The following EVI5 variants were observed in gnomAD, a reference collection of about 807,000 sequenced individuals.
The protein encoded by EVI5 is ecotropic viral integration site 5 protein homolog.
EVI5 carries 73 observed loss-of-function variants against 112.0 expected under a neutral mutation model. The observed-to-expected ratio is 0.65, with a 90% confidence interval of 0.54 to 0.79. EVI5 has a LOEUF of 0.79. Among genes scored for constraint, EVI5 ranks in the 30% least tolerant of loss-of-function variants. The pLI is 0.00. For synonymous variants in EVI5, 305 were observed against 319.9 expected, an observed-to-expected ratio of 0.95 and a Z score of 0.50; for missense variants, 900 against 968.8, an observed-to-expected ratio of 0.93 and a Z score of 0.94.
Position 92,754,514 on chromosome 1 carries a change from C to T in EVI5, c.-81-17887G>A, listed in dbSNP as rs191772756. ...TTAGCTGGGCGATTCTGGCTCATGG[C>T]CTCTCATGAGCTTGCAGACAAGATC... On this transcript the variant is annotated intron_variant, in intron 1 of 19. Transcript: ENST00000684568. 1.4e-3 allele frequency among the ~76,000 whole-genome samples: 156 copies of T among 107,664 alleles called. 2 individuals carry two copies. The highest frequency in any genetic ancestry group is 1.3e-4 in the Non-Finnish European group (6 of 46,326). The allele number at this position is 107,664 out of a possible 152,430, so 70.6% of individuals were successfully genotyped here.
intron 2 of EVI5, among the ~76,000 whole-genome samples, chr1:92,716,644 T>G (rs893331612): frequency 6.8e-6 from 1 of 148,050 alleles, no homozygotes; most frequent in African/African-American, 2.5e-5. Flanking sequence ...AGAAATAGGC[T>G]TCAGAAGGTC....
chr1:92,636,338 T>C lies in EVI5; in HGVS notation c.1393-2A>G. Reference sequence around the variant, plus strand: ...GTTGTAGTTGGAACTGCATTTATGCTAAAGGTTACAGACATACACTGAAAT... The same window carrying C: ...GTTGTAGTTGGAACTGCATTTATGCCAAAGGTTACAGACATACACTGAAAT... On this transcript the variant is annotated splice_acceptor_variant, in intron 13 of 19. Coordinates refer to ENST00000684568, the MANE Select transcript of EVI5 (RefSeq NM_001350197.2). LOFTEE classifies it high-confidence loss of function. The C allele has an allele frequency of 1.2e-6, 2 of 1,612,686 alleles. No homozygotes were observed. The highest frequency in any genetic ancestry group is 1.7e-6 in the Non-Finnish European group (2 of 1,178,990).
intron 19 of EVI5, among the ~76,000 whole-genome samples, chr1:92,521,634 G>C (rs960421436): frequency 2.0e-5 from 3 of 151,826 alleles, no homozygotes; most frequent in Non-Finnish European, 4.4e-5. Context: ...GAGGTTGCCA[G>C]TGAGCTGAGA....
chr1:92,769,114 G>A (rs1268020346), intron 1 of EVI5, among the ~76,000 whole-genome samples: 2 of 152,078 alleles, frequency 1.3e-5, no homozygotes, highest in Non-Finnish European at 2.9e-5. Flanking sequence ...GTAAACACTT[G>A]ACAGTCCTTA....
intron 13 of EVI5, among the ~76,000 whole-genome samples, chr1:92,642,732 T>C (rs1050395821): frequency 6.6e-6 from 1 of 152,228 alleles, no homozygotes; most frequent in Admixed American, 6.5e-5. Context: ...AAGTCCTACA[T>C]AATTCTTTGA....
chr1:92,608,886 T>G (rs1651096081), intron 16 of EVI5, among the ~76,000 whole-genome samples: 1 of 152,208 alleles, frequency 6.6e-6, no homozygotes, highest in East Asian at 1.9e-4. Flanking sequence ...GCAAACAAGC[T>G]AGTATCTCTG....
At chr1:92,750,070 T>G (rs1482307595) in intron 1 of EVI5, among the ~76,000 whole-genome samples, 3 of 152,212 alleles carry the variant, frequency 2.0e-5, no homozygotes, top group Admixed American at 1.3e-4. Flanking sequence ...ATATAACTAC[T>G]TTTAAAATGC....
chr1:92,765,895 T>C (rs991837788), intron 1 of EVI5, among the ~76,000 whole-genome samples: 3 of 151,942 alleles, frequency 2.0e-5, no homozygotes, highest in African/African-American at 4.8e-5. Flanking sequence ...GGGTAACATA[T>C]TGAGATCTCA....
At chr1:92,642,349 G>C (rs1442229271) in intron 13 of EVI5, among the ~76,000 whole-genome samples, 3 of 152,158 alleles carry the variant, frequency 2.0e-5, no homozygotes, top group Non-Finnish European at 2.9e-5. Flanking sequence ...ACATACGAAT[G>C]TAAAACATTT....
chr1:92,702,967 T>C (rs546687258), intron 4 of EVI5, among the ~76,000 whole-genome samples: 2 of 152,142 alleles, frequency 1.3e-5, no homozygotes, highest in South Asian at 4.2e-4. Flanking sequence ...GAAATGGCAA[T>C]ATTGAAGAAA....
At chr1:92,583,671 T>C (rs1179147542) in intron 18 of EVI5, among the ~76,000 whole-genome samples, 1 of 151,366 alleles carries the variant, frequency 6.6e-6, no homozygotes, top group African/African-American at 2.4e-5. Flanking sequence ...TCTAGTATTG[T>C]ACTGGCCAAT....
intron 18 of EVI5, among the ~76,000 whole-genome samples, chr1:92,599,581 C>CT (rs1262267309): frequency 2.0e-5 from 3 of 152,016 alleles, no homozygotes; most frequent in Non-Finnish European, 4.4e-5. Context: ...AACCTTAAGA[C>CT]ATCTACTGAA....
At chr1:92,567,289 C>T (rs925428431) in intron 18 of EVI5, among the ~76,000 whole-genome samples, 6 of 151,808 alleles carry the variant, frequency 4.0e-5, no homozygotes, top group Non-Finnish European at 8.8e-5. Context: ...TTACACTAAG[C>T]TAAGGTTAAT....
At chr1:92,781,427 T>A (rs973888551) in intron 1 of EVI5, among the ~76,000 whole-genome samples, 5 of 151,412 alleles carry the variant, frequency 3.3e-5, no homozygotes, top group Non-Finnish European at 5.9e-5. Context: ...GTGGGAGGAA[T>A]GCTTGAGCAC....
intron 16 of EVI5, among the ~76,000 whole-genome samples, chr1:92,623,484 G>T (rs924129557): frequency 1.3e-5 from 2 of 152,172 alleles, no homozygotes; most frequent in African/African-American, 4.8e-5. Context: ...AACCAAATGT[G>T]CCTTTACCAT....
chr1:92,533,646 G>T (rs1663293244), intron 19 of EVI5, among the ~76,000 whole-genome samples: 1 of 152,200 alleles, frequency 6.6e-6, no homozygotes, highest in East Asian at 1.9e-4. Context: ...ATCAATAAAC[G>T]TAATCCATCA....
chr1:92,607,619 T>G lies in EVI5; in HGVS notation c.1936A>C (p.Ser646Arg), dbSNP rs150908969. 36 of 1,601,736 alleles carry G rather than the reference T, an allele frequency of 2.2e-5. No homozygotes were observed. In the African/African-American group the frequency reaches 3.6e-4, roughly 16 times the overall value. ...AQNKGLLTQLSEAKRKQAEIE... is the reference protein window; with the variant it reads ...AQNKGLLTQLREAKRKQAEIE... ...TCTGCTTGTTTACGCTTTGCTTCAC[T>G]TAATTGAGTAAGGAGTCCTTTGTTC... Residue 646 changes from serine (S) to arginine (R), a missense_variant, in exon 17 of 20, where the codon AGT (serine) becomes CGT (arginine). Ser to Arg is a moderately radical substitution (Grantham distance 110, BLOSUM62 -1). Transcript: ENST00000684568.
chr1:92,635,470 C>T (rs2101904246), intron 14 of EVI5, among the ~76,000 whole-genome samples: 1 of 152,334 alleles, frequency 6.6e-6, no homozygotes, highest in Admixed American at 6.5e-5. Flanking sequence ...GCGTAGGACC[C>T]TCCGAGCCAG....
At chr1:92,655,340 GAA>G (rs34169973) in intron 13 of EVI5, among the ~76,000 whole-genome samples, 4 of 150,186 alleles carry the variant, frequency 2.7e-5, no homozygotes, top group Admixed American at 6.6e-5. Context: ...ACTTATTAAA[GAA>G]AAAAAAAAAC....
Sources: gnomAD v4.1 joint callset for allele counts (sites outside exome capture counted in the v4.1 genomes callset) on GRCh38, gnomAD v4.1.1 for gene constraint, MANE v1.5 for transcripts, NCBI Gene and HGNC (gene_info 2026-07-23, HGNC 2026-07-21) for gene names.